OSBP2: variants seen among roughly 807,000 people sequenced by gnomAD.
OSBP2 encodes oxysterol-binding protein 2.
Under a neutral mutation model 96.0 loss-of-function variants are expected in OSBP2, and 66 were observed. The observed-to-expected ratio is 0.69, with a 90% CI of 0.56 to 0.84. The LOEUF (loss-of-function observed/expected upper bound fraction) is 0.84, where lower values mean the gene tolerates loss of function less well. OSBP2 is among the 40% of genes least tolerant of loss of function. OSBP2 has a pLI of 0.00. For synonymous variants in OSBP2, 525 were observed against 520.9 expected (o/e 1.01, Z -0.11); for missense variants, 1,038 against 1,222.7 (o/e 0.85, Z 2.25).
At chr22:30,713,261 A>G (rs545686784) in intron 1 of OSBP2, among the ~76,000 whole-genome samples, 14 of 151,684 alleles carry the variant, frequency 9.2e-5, no homozygotes, top group African/African-American at 3.1e-4. Context: ...TCTATTTTTT[A>G]GTAGAGACAG....
intron 2 of OSBP2, among the ~76,000 whole-genome samples, chr22:30,780,879 C>A (rs2090509573): frequency 6.6e-6 from 1 of 152,336 alleles, no homozygotes; most frequent in African/African-American, 2.4e-5. Context: ...AATGTAAAAA[C>A]CTCCAGTGGG....
chr22:30,822,064 C>T (rs1390245136), intron 2 of OSBP2, among the ~76,000 whole-genome samples: 1 of 152,184 alleles, frequency 6.6e-6, no homozygotes, highest in Non-Finnish European at 1.5e-5. Flanking sequence ...GCATGGTGGC[C>T]AGGTGTCTGC....
intron 2 of OSBP2, among the ~76,000 whole-genome samples, chr22:30,847,986 A>G (rs1018555921): frequency 2.6e-5 from 4 of 152,204 alleles, no homozygotes; most frequent in Non-Finnish European, 4.4e-5. Flanking sequence ...CACATATACT[A>G]TAGATACCCT....
At chr22:30,859,128 C>T (rs562868860) in intron 2 of OSBP2, among the ~76,000 whole-genome samples, 10 of 152,000 alleles carry the variant, frequency 6.6e-5, no homozygotes, top group Non-Finnish European at 1.0e-4. Context: ...TAGAGGCAGC[C>T]GCGTGTGGAA....
intron 1 of OSBP2, among the ~76,000 whole-genome samples, chr22:30,730,729 T>A (rs2089740075): frequency 2.7e-4 from 6 of 22,194 alleles, no homozygotes; most frequent in African/African-American, 9.5e-4. Flanking sequence ...TCTCTCTCTC[T>A]CTCTCTCTCT....
chr22:30,758,949 A>G (rs1359667397), intron 2 of OSBP2, among the ~76,000 whole-genome samples: 2 of 152,210 alleles, frequency 1.3e-5, no homozygotes, highest in Non-Finnish European at 2.9e-5. Flanking sequence ...CAAGCCGCAC[A>G]TGGATGGATC....
At chr22:30,900,861 CA>C (rs2040178681) in intron 12 of OSBP2, among the ~76,000 whole-genome samples, 1 of 152,150 alleles carries the variant, frequency 6.6e-6, no homozygotes, top group East Asian at 1.9e-4. Flanking sequence ...TATTAAGACA[CA>C]AGCATTCATA....
chr22:30,760,811 C>A (rs1334201345), intron 2 of OSBP2, among the ~76,000 whole-genome samples: 3 of 150,992 alleles, frequency 2.0e-5, no homozygotes, highest in Admixed American at 2.0e-4. Flanking sequence ...GAGCAAGACT[C>A]TGTCTCAAAA....
At chr22:30,877,080 C>T (rs922140898) in intron 3 of OSBP2, among the ~76,000 whole-genome samples, 1 of 152,108 alleles carries the variant, frequency 6.6e-6, no homozygotes, top group Non-Finnish European at 1.5e-5. Context: ...CGCAGTATCT[C>T]TCACAATCCC....
At chr22:30,723,700 C>A (rs2089592952) in intron 1 of OSBP2, among the ~76,000 whole-genome samples, 1 of 152,170 alleles carries the variant, frequency 6.6e-6, no homozygotes, top group Admixed American at 6.5e-5. Flanking sequence ...AGGCATGACC[C>A]ACCGCACCCG....
Position 30,695,421 on chromosome 22 carries a change from C to A in OSBP2, c.512C>A (p.Thr171Lys). ...GGGGTTCCAATGTCGGGGACTGGCA[C>A]GACCTCCAGTGCCCCACTGGCCTTA... ...PLGVPMSGTG[T>K]TSSAPLALLP... The change falls in exon 1 of 14, where the codon ACG becomes AAG. Residue 171 changes from threonine to lysine, a missense_variant. Around this residue, in one of 3 missense-constraint regions of OSBP2, gnomAD observed 281 missense variants for 273.4 expected, o/e 1.03. Transcript: ENST00000332585. The A allele has an allele frequency of 6.2e-7, 1 of 1,613,720 alleles. No homozygotes were observed. The highest frequency in any genetic ancestry group is 1.1e-5 in the South Asian group (1 of 91,086).
At chr22:30,873,376 C>T (rs765493262) in intron 3 of OSBP2, among the ~76,000 whole-genome samples, 3 of 152,174 alleles carry the variant, frequency 2.0e-5, no homozygotes, top group Admixed American at 1.3e-4. Flanking sequence ...CAAAGATCTC[C>T]GTGAGTCCCT....
chr22:30,707,617 T>A (rs142826155), intron 1 of OSBP2, among the ~76,000 whole-genome samples: 1 of 150,274 alleles, frequency 6.7e-6, no homozygotes. Context: ...CTCGGGAGGC[T>A]GAGGCAGAGG....
At chr22:30,801,616 T>C (rs2090852486) in intron 2 of OSBP2, among the ~76,000 whole-genome samples, 1 of 152,212 alleles carries the variant, frequency 6.6e-6, no homozygotes, top group African/African-American at 2.4e-5. Flanking sequence ...CACCAAATGG[T>C]AAAAATCAAG....
At chr22:30,770,197 T>A (rs2090330029) in intron 2 of OSBP2, among the ~76,000 whole-genome samples, 1 of 151,352 alleles carries the variant, frequency 6.6e-6, no homozygotes, top group Non-Finnish European at 1.5e-5. Flanking sequence ...CCTCCCAGGT[T>A]CAAGCAATTC....
chr22:30,781,370 C>A (rs79357), intron 2 of OSBP2, among the ~76,000 whole-genome samples: 24,623 of 152,016 alleles, frequency 0.16, 2,100 homozygotes, highest in African/African-American at 0.23. Flanking sequence ...CTGCTCCCCC[C>A]ACCTTCCTCT....
intron 2 of OSBP2, among the ~76,000 whole-genome samples, chr22:30,865,160 C>G (rs1251109075): frequency 6.6e-6 from 1 of 152,192 alleles, no homozygotes; most frequent in Non-Finnish European, 1.5e-5. Context: ...TTCCTAGGAG[C>G]CTCCTGATGT....
At chr22:30,836,664 T>C (rs1283268908) in intron 2 of OSBP2, among the ~76,000 whole-genome samples, 1 of 152,212 alleles carries the variant, frequency 6.6e-6, no homozygotes, top group Non-Finnish European at 1.5e-5. Flanking sequence ...GCAAAGGTGC[T>C]GATGCAGGCG....
chr22:30,702,486 T>C (rs2089179605), intron 1 of OSBP2, among the ~76,000 whole-genome samples: 2 of 152,060 alleles, frequency 1.3e-5, no homozygotes, highest in African/African-American at 4.8e-5. Context: ...TGGTGGTGGG[T>C]GCCTGTAACC....
Sources: gnomAD v4.1 joint callset for allele counts (sites outside exome capture counted in the v4.1 genomes callset) on GRCh38, gnomAD v4.1.1 for gene constraint, gnomAD v4.1.1 regional missense constraint, MANE v1.5 for transcripts, NCBI Gene and HGNC (gene_info 2026-07-23, HGNC 2026-07-21) for gene names.